Variants in AKAP8L observed in about 807,000 individuals in gnomAD.
AKAP8L encodes A-kinase anchor protein 8-like.
Under a neutral mutation model 77.5 loss-of-function variants are expected in AKAP8L, and 34 were observed. The ratio of observed to expected loss-of-function variants is 0.44; its 90% CI spans 0.33 to 0.58. The LOEUF is 0.58. Ranked by LOEUF, AKAP8L falls within the 20% of genes least tolerant of loss-of-function variation. AKAP8L has a pLI of 0.02. For synonymous variants in AKAP8L, 342 were observed against 340.7 expected (o/e 1.00, Z -0.04); for missense variants, 806 against 887.6 (o/e 0.91, Z 1.17).
At chr19:15,391,395 T>C (rs62115894) in intron 12 of AKAP8L, among the ~76,000 whole-genome samples, 1,472 of 117,970 alleles carry the variant, frequency 0.012, 15 homozygotes, top group Admixed American at 0.021. Flanking sequence ...GAGGTGGAGG[T>C]TGCAGTGAGC....
At position 15,403,739 on chromosome 19, in the gene AKAP8L, G is replaced by A. The variant is rs766807855; in HGVS notation, c.122-24C>T. 7.8e-6 allele frequency: 12 copies of A among 1,538,894 alleles called. 1 individual carries two copies. The South Asian group carries it at 1.4e-4, about 18-fold the overall frequency. ...GCCTGCAGTGAGGGAGACAGAGACAGACAGATGGTGGGGGCAGGCAGAGGG... is the reference window on the plus strand; with the variant it reads ...GCCTGCAGTGAGGGAGACAGAGACAAACAGATGGTGGGGGCAGGCAGAGGG... On this transcript the variant is annotated intron_variant, in intron 3 of 13. Transcript: ENST00000397410. This position sits in a 1 kb window ranked among gnomAD's most constrained non-coding sequence, Gnocchi z 4.3.
At position 15,397,084 on chromosome 19, in the gene AKAP8L, A is replaced by T. The variant is rs906015086; in HGVS notation, c.1536+66T>A. On this transcript the variant is annotated intron_variant, in intron 12 of 13. Coordinates refer to ENST00000397410, the MANE Select transcript of AKAP8L (RefSeq NM_014371.4). The surrounding 1 kb of genome is among the most constrained non-coding windows in gnomAD (Gnocchi z 4.7). ...ACGGGCTGGCAGAGGTTCCAACTGCACAACCTCCCCAGAGGCCTCACTCAA... is the reference window on the plus strand; with the variant it reads ...ACGGGCTGGCAGAGGTTCCAACTGCTCAACCTCCCCAGAGGCCTCACTCAA... The T allele has an allele frequency of 3.8e-6, 6 of 1,595,446 alleles. No individual in the cohort carries two copies. The highest frequency in any genetic ancestry group is 1.3e-5 in the African/African-American group (1 of 74,528).
Position 15,400,552 on chromosome 19 carries a change from G to A in AKAP8L, c.985-194C>T, listed in dbSNP as rs185701893. ...GCTTTAAATGACAAGGCCCGGCTAT[G>A]TGCCAGAAACCTCACATCCTCCCAC... On this transcript the variant is annotated intron_variant, in intron 7 of 13. Coordinates refer to ENST00000397410, the MANE Select transcript of AKAP8L (RefSeq NM_014371.4). 8.0e-5 allele frequency: 58 copies of A among 723,854 alleles called. No individual in the cohort carries two copies. The African/African-American group carries it at 9.6e-4, about 12-fold the overall frequency. 44.8% of individuals were successfully genotyped at this position (723,854 alleles called of 1,614,324 possible).
At chr19:15,408,183 T>C (rs1478020546) in intron 2 of AKAP8L, among the ~76,000 whole-genome samples, 1 of 151,922 alleles carries the variant, frequency 6.6e-6, no homozygotes, top group Non-Finnish European at 1.5e-5. Context: ...TACAGACCAA[T>C]GGAACAGAAT....
At chr19:15,388,591 T>C (rs141982864) in intron 12 of AKAP8L, among the ~76,000 whole-genome samples, 66 of 152,246 alleles carry the variant, frequency 4.3e-4, no homozygotes, top group African/African-American at 1.5e-3. Flanking sequence ...AAAAATCCAT[T>C]TGAAGGACTC....
chr19:15,397,218 A>G lies in AKAP8L; in HGVS notation c.1468T>C (p.Phe490Leu), dbSNP rs1967793864. Residue 490 changes from phenylalanine (F) to leucine (L), a missense_variant, in exon 12 of 14, where the codon TTC becomes CTC. Physicochemically the swap from Phe to Leu is conservative, Grantham distance 22. Transcript: ENST00000397410. This position sits in a 1 kb window ranked among gnomAD's most constrained non-coding sequence, Gnocchi z 4.7. ...ATGATCCCAAACTGCATGGGAATGA[A>G]GAGGTCGCAGGCTGCACAATGGGCT... ...EAAHCAACDLFIPMQFGIIQK... is the reference protein window; with the variant it reads ...EAAHCAACDLLIPMQFGIIQK... 2 of 1,614,016 alleles carry G rather than the reference A, an allele frequency of 1.2e-6. No homozygotes were observed.
chr19:15,399,211 AG>A lies in AKAP8L; in HGVS notation c.1157+90del. On this transcript the variant is annotated intron_variant, in intron 9 of 13. Transcript: ENST00000397410. This position sits in a 1 kb window ranked among gnomAD's most constrained non-coding sequence, Gnocchi z 6.1. ...GGTGGCGGCTCCCAAGGGAGGCCAG[AG>A]GGCGGCGAGCTGGCAGAGCTATGGC... The A allele has an allele frequency of 1.7e-6, 2 of 1,199,664 alleles. No homozygotes were observed. The highest frequency in any genetic ancestry group is 2.4e-6 in the Non-Finnish European group (2 of 817,640). 74.3% of individuals were successfully genotyped at this position (1,199,664 alleles called of 1,614,324 possible).
At position 15,403,814 on chromosome 19, in the gene AKAP8L, A is replaced by T. The variant is rs959149156; in HGVS notation, c.122-99T>A. 55 of 1,139,688 alleles carry T rather than the reference A, an allele frequency of 4.8e-5. No homozygotes were observed. The highest frequency in any genetic ancestry group is 6.4e-5 in the Non-Finnish European group (50 of 780,524). The allele number at this position is 1,139,688 out of a possible 1,614,324, so 70.6% of individuals were successfully genotyped here. On this transcript the variant is annotated intron_variant, in intron 3 of 13. Transcript: ENST00000397410. This position sits in a 1 kb window ranked among gnomAD's most constrained non-coding sequence, Gnocchi z 4.3. The stretch of plus-strand genomic sequence containing the variant: ...CACAGATACAAGGGTATCTTCTGTC[A>T]CAGAGAGAGAAGACCCTAGCCACTG...
chr19:15,397,443 T>C lies in AKAP8L; in HGVS notation c.1405+77A>G. The stretch of plus-strand genomic sequence containing the variant: ...GACCTTCCCTGGGGGAACAGAAGGG[T>C]GTCCTGACCCTGCACCGAAAATCAG... On this transcript the variant is annotated intron_variant, in intron 11 of 13. Coordinates refer to ENST00000397410, the MANE Select transcript of AKAP8L (RefSeq NM_014371.4). The surrounding 1 kb of genome is among the most constrained non-coding windows in gnomAD (Gnocchi z 4.7). 1 of 1,497,084 alleles carries C rather than the reference T, an allele frequency of 6.7e-7. No homozygotes were observed. The highest frequency in any genetic ancestry group is 1.2e-5 in the South Asian group (1 of 86,322). The allele number at this position is 1,497,084 out of a possible 1,614,324, so 92.7% of individuals were successfully genotyped here.
At position 15,398,524 on chromosome 19, in the gene AKAP8L, G is replaced by A. The variant is rs1967823527; in HGVS notation, c.1158-669C>T. 2.1e-6 allele frequency: 2 copies of A among 959,304 alleles called. No homozygotes were observed. The highest frequency in any genetic ancestry group is 2.5e-6 in the Non-Finnish European group (2 of 805,700). 59.4% of individuals were successfully genotyped at this position (959,304 alleles called of 1,614,324 possible). Reference sequence around the variant, plus strand: ...GGGCGAGGTGCTCTGTCTGGGCCTGGTGTCCACAGTAGAAGCCCGGGGTCT... The same window carrying A: ...GGGCGAGGTGCTCTGTCTGGGCCTGATGTCCACAGTAGAAGCCCGGGGTCT... On this transcript the variant is annotated intron_variant, in intron 9 of 13. Coordinates refer to ENST00000397410, the MANE Select transcript of AKAP8L (RefSeq NM_014371.4). The surrounding 1 kb of genome is among the most constrained non-coding windows in gnomAD (Gnocchi z 9.2).
chr19:15,397,810 C>T lies in AKAP8L; in HGVS notation c.1203G>A (p.Glu401=), dbSNP rs1967808599. ...CSLCKYRTFY[E]DEMASHLDSK... is the part of the protein sequence containing the mutation. Reference sequence around the variant, plus strand: ...TGTCAAGATGGCTGGCCATCTCGTCCTCATAGAAGGTCCGGTATTTGCACA... The same window carrying T: ...TGTCAAGATGGCTGGCCATCTCGTCTTCATAGAAGGTCCGGTATTTGCACA... The change falls in exon 10 of 14, where the codon GAG becomes GAA. Residue 401 remains glutamate, a synonymous_variant. Coordinates refer to ENST00000397410, the MANE Select transcript of AKAP8L (RefSeq NM_014371.4). The surrounding 1 kb of genome is among the most constrained non-coding windows in gnomAD (Gnocchi z 4.7). 1 of 1,613,940 alleles carries T rather than the reference C, an allele frequency of 6.2e-7. No individual in the cohort carries two copies.
At chr19:15,405,393 C>T (rs527737400) in intron 2 of AKAP8L, among the ~76,000 whole-genome samples, 4 of 151,906 alleles carry the variant, frequency 2.6e-5, no homozygotes, top group Admixed American at 1.3e-4. Flanking sequence ...ATTAGCCAGG[C>T]GTGGTGGTGC....
chr19:15,400,190 C>A (rs1967862914), intron 8 of AKAP8L, 105 bp downstream of exon 8: 1 of 1,220,204 alleles, frequency 8.2e-7, no homozygotes, highest in African/African-American at 1.5e-5. Context: ...AAGGGAGGTC[C>A]CCAACTGGCC....
Position 15,401,468 on chromosome 19 carries a change from G to T in AKAP8L, c.498C>A (p.Asp166Glu), listed in dbSNP as rs373765827. The T allele has an allele frequency of 3.7e-5, 59 of 1,613,812 alleles. No individual in the cohort carries two copies. The East Asian group carries it at 9.4e-4, about 26-fold the overall frequency. ...AYEGQYDAYR[D>E]QFRMRGNDTF... is the part of the protein sequence containing the mutation. ...TGTCGTTGCCACGCATGCGGAACTGGTCGCGGTAGGCATCGTATTGGCCCT... is the reference window on the plus strand; with the variant it reads ...TGTCGTTGCCACGCATGCGGAACTGTTCGCGGTAGGCATCGTATTGGCCCT... The change falls in exon 5 of 14, where the codon GAC becomes GAA. Residue 166 changes from aspartate to glutamate, a missense_variant. This residue lies in a region of AKAP8L where 580 missense variants were observed against 694.1 expected (regional missense o/e 0.84). Coordinates refer to ENST00000397410, the MANE Select transcript of AKAP8L (RefSeq NM_014371.4). The surrounding 1 kb of genome is among the most constrained non-coding windows in gnomAD (Gnocchi z 6.2).
intron 12 of AKAP8L, among the ~76,000 whole-genome samples, chr19:15,391,096 T>C (rs1237354845): frequency 6.6e-6 from 1 of 152,036 alleles, no homozygotes; most frequent in Non-Finnish European, 1.5e-5. Flanking sequence ...TGCATCTAGA[T>C]TGGAAAGGAG....
intron 12 of AKAP8L, among the ~76,000 whole-genome samples, chr19:15,391,514 A>C (rs1568264226): frequency 1.9e-5 from 1 of 51,530 alleles, no homozygotes; most frequent in African/African-American, 9.3e-5. Context: ...AATAAACATT[A>C]TTTTATGTTT....
chr19:15,380,497 G>A lies in AKAP8L; in HGVS notation c.1632+20C>T. ...CGGGGACTAAGCTGGGGACAGGGCA[G>A]GCCCGGACCAGTGCCTCACCTTCAG... is the stretch of plus-strand genomic sequence containing the variant. On this transcript the variant is annotated intron_variant, in intron 13 of 13. Coordinates refer to ENST00000397410, the MANE Select transcript of AKAP8L (RefSeq NM_014371.4). 1 of 1,613,688 alleles carries A rather than the reference G, an allele frequency of 6.2e-7. No individual in the cohort carries two copies. Among genetic ancestry groups the A allele is most frequent in the Non-Finnish European group, 8.5e-7 (1 of 1,179,852 alleles).
intron 2 of AKAP8L, among the ~76,000 whole-genome samples, chr19:15,408,621 C>T (rs1237867746): frequency 6.7e-5 from 10 of 149,090 alleles, no homozygotes; most frequent in Non-Finnish European, 1.2e-4. Flanking sequence ...CGGTGGCTCA[C>T]GCCTGTAATC....
intron 12 of AKAP8L, among the ~76,000 whole-genome samples, chr19:15,388,624 A>C (rs1414103230): frequency 2.0e-5 from 3 of 152,208 alleles, no homozygotes; most frequent in African/African-American, 7.2e-5. Flanking sequence ...CTTAAGAATT[A>C]GTGAACTTGG....
Sources: allele counts gnomAD v4.1 joint callset (sites outside exome capture counted in the v4.1 genomes callset), GRCh38; gene constraint gnomAD v4.1.1; regional missense constraint gnomAD v4.1.1; non-coding constraint Gnocchi (gnomAD v3.1); transcripts MANE v1.5; gene names NCBI Gene and HGNC (gene_info 2026-07-23, HGNC 2026-07-21).